Variants in RALGAPA1 observed in about 807,000 individuals in gnomAD.
RALGAPA1 encodes Ral GTPase activating protein catalytic subunit alpha 1.
RALGAPA1 carries 52 observed loss-of-function variants against 269.6 expected under a neutral mutation model. The observed-to-expected ratio is 0.19, with a 90% CI of 0.15 to 0.24. The LOEUF (loss-of-function observed/expected upper bound fraction) is 0.24, where lower values mean the gene tolerates loss of function less well. Ranked by LOEUF, RALGAPA1 falls within the 10% of genes least tolerant of loss-of-function variation. The pLI, the probability that RALGAPA1 is intolerant of heterozygous loss-of-function variation, is 1.00. For missense variants in RALGAPA1, 1,917 were observed against 3,013.9 expected, an observed-to-expected ratio of 0.64 and a Z score of 8.52; for synonymous variants, 817 against 1,008.3, an observed-to-expected ratio of 0.81 and a Z score of 3.60.
chr14:35,610,831 C>A (rs1371484002), intron 35 of RALGAPA1, among the ~76,000 whole-genome samples: 1 of 152,098 alleles, frequency 6.6e-6, no homozygotes, highest in South Asian at 2.1e-4. Context: ...GTTCCATACA[C>A]TAGCAATAAA....
chr14:35,579,644 G>C (rs1040288572), intron 37 of RALGAPA1, among the ~76,000 whole-genome samples: 2 of 150,452 alleles, frequency 1.3e-5, no homozygotes, highest in African/African-American at 4.9e-5. Flanking sequence ...CCTATACAAT[G>C]AGAGGCCTCT....
chr14:35,586,469 A>G (rs2058297728), intron 37 of RALGAPA1, among the ~76,000 whole-genome samples: 1 of 152,210 alleles, frequency 6.6e-6, no homozygotes, highest in Non-Finnish European at 1.5e-5. Flanking sequence ...TGCCCTGGCC[A>G]GAACTTCCAA....
At chr14:35,797,457 T>C (rs1257552778) in intron 1 of RALGAPA1, among the ~76,000 whole-genome samples, 1 of 151,964 alleles carries the variant, frequency 6.6e-6, no homozygotes, top group African/African-American at 2.4e-5. Context: ...GGTTGGTTAA[T>C]GCATATAAAC....
intron 39 of RALGAPA1, among the ~76,000 whole-genome samples, chr14:35,568,591 GT>G (rs1357375683): frequency 6.6e-6 from 1 of 152,074 alleles, no homozygotes; most frequent in African/African-American, 2.4e-5. Flanking sequence ...GTGAGTATGG[GT>G]TTCACAAATC....
chr14:35,700,130 G>C (rs902739189), intron 17 of RALGAPA1, 32 bp downstream of exon 17: 1 of 1,500,748 alleles, frequency 6.7e-7, no homozygotes, highest in Admixed American at 2.4e-5. Flanking sequence ...AAGTGAAAAA[G>C]GTGGTGCAGA....
chr14:35,793,507 T>A (rs2076343151), intron 1 of RALGAPA1, among the ~76,000 whole-genome samples: 1 of 152,132 alleles, frequency 6.6e-6, no homozygotes, highest in Non-Finnish European at 1.5e-5. Flanking sequence ...GTGCTGGGAT[T>A]ACAGGCGTGA....
At chr14:35,725,655 T>C (rs927364269) in intron 13 of RALGAPA1, among the ~76,000 whole-genome samples, 1 of 151,366 alleles carries the variant, frequency 6.6e-6, no homozygotes, top group African/African-American at 2.4e-5. Context: ...ACATCTTAAT[T>C]AATAGATCAC....
At chr14:35,752,905 T>C (rs2038716) in intron 7 of RALGAPA1, among the ~76,000 whole-genome samples, 6,170 of 152,192 alleles carry the variant, frequency 0.041, 358 homozygotes, top group African/African-American at 0.12. Flanking sequence ...GTAAGAGTTA[T>C]AAATATGGAA....
At chr14:35,636,871 C>A (rs2061694421) in intron 31 of RALGAPA1, among the ~76,000 whole-genome samples, 1 of 152,144 alleles carries the variant, frequency 6.6e-6, no homozygotes, top group Non-Finnish European at 1.5e-5. Flanking sequence ...GCATCTTTCT[C>A]CCATTCTCCC....
At chr14:35,553,101 G>C (rs971229012) in intron 39 of RALGAPA1, among the ~76,000 whole-genome samples, 1 of 152,058 alleles carries the variant, frequency 6.6e-6, no homozygotes, top group South Asian at 2.1e-4. Context: ...CACTTCATAG[G>C]GTGTTGAAGA....
At chr14:35,686,160 A>G (rs770691015) in intron 19 of RALGAPA1, among the ~76,000 whole-genome samples, 1 of 150,750 alleles carries the variant, frequency 6.6e-6, no homozygotes, top group Non-Finnish European at 1.5e-5. Context: ...TTATTTATTT[A>G]TATAACTACG....
intron 13 of RALGAPA1, among the ~76,000 whole-genome samples, chr14:35,725,602 A>G (rs1419988811): frequency 6.6e-6 from 1 of 152,208 alleles, no homozygotes; most frequent in Non-Finnish European, 1.5e-5. Context: ...TTGAGTAACT[A>G]CATATTGAGA....
intron 1 of RALGAPA1, among the ~76,000 whole-genome samples, chr14:35,796,479 C>A (rs925943006): frequency 1.6e-4 from 25 of 151,984 alleles, no homozygotes; most frequent in African/African-American, 5.6e-4. Context: ...AAAATAATGA[C>A]CAAAATTTTT....
At chr14:35,600,670 A>G (rs1444423803) in intron 36 of RALGAPA1, among the ~76,000 whole-genome samples, 1 of 151,158 alleles carries the variant, frequency 6.6e-6, no homozygotes, top group African/African-American at 2.4e-5. Context: ...TACATTTTTC[A>G]CTCTAAAACT....
chr14:35,661,758 T>G (rs895601913), intron 27 of RALGAPA1, among the ~76,000 whole-genome samples: 2 of 152,154 alleles, frequency 1.3e-5, no homozygotes, highest in Admixed American at 1.3e-4. Context: ...CAGCACCTAG[T>G]CCAATTGATA....
chr14:35,799,493 C>T lies in RALGAPA1; in HGVS notation c.106+9237G>A, dbSNP rs528781097. 5.0e-3 allele frequency among the ~76,000 whole-genome samples: 745 copies of T among 149,828 alleles called. 2 individuals are homozygous for T. The highest frequency in any genetic ancestry group is 0.014 in the Middle Eastern group (4 of 290). On this transcript the variant is annotated intron_variant, in intron 1 of 41. Coordinates refer to ENST00000680220, the MANE Select transcript of RALGAPA1 (RefSeq NM_001346249.2). Reference sequence around the variant, plus strand: ...AGGAGAATCGCTCTAACCTGAGAGGCGGAGGTTGCAGTGAGCCAAGATCGT... The same window carrying T: ...AGGAGAATCGCTCTAACCTGAGAGGTGGAGGTTGCAGTGAGCCAAGATCGT...
At chr14:35,807,148 T>G (rs900226220) in intron 1 of RALGAPA1, among the ~76,000 whole-genome samples, 3 of 152,208 alleles carry the variant, frequency 2.0e-5, no homozygotes, top group African/African-American at 7.2e-5. Context: ...GAACTCAACT[T>G]TATAGCTGTG....
At chr14:35,642,987 G>T (rs1473227764) in intron 31 of RALGAPA1, among the ~76,000 whole-genome samples, 1 of 152,152 alleles carries the variant, frequency 6.6e-6, no homozygotes, top group Non-Finnish European at 1.5e-5. Context: ...TATACACCAT[G>T]GAATACTATG....
chr14:35,587,503 A>C (rs1262303353), intron 37 of RALGAPA1, among the ~76,000 whole-genome samples: 1 of 152,218 alleles, frequency 6.6e-6, no homozygotes, highest in Non-Finnish European at 1.5e-5. Flanking sequence ...GAGTAAGAAA[A>C]TGTGGCACAT....
Sources: gnomAD v4.1 joint callset for allele counts (sites outside exome capture counted in the v4.1 genomes callset) on GRCh38, gnomAD v4.1.1 for gene constraint, MANE v1.5 for transcripts, NCBI Gene and HGNC (gene_info 2026-07-23, HGNC 2026-07-21) for gene names.